Variants in RORA observed in about 807,000 individuals in gnomAD.
RORA encodes the protein RAR related orphan receptor A, also known as nuclear receptor ROR-alpha.
RORA carries 7 observed loss-of-function variants against 69.5 expected under a neutral mutation model. That is an observed-to-expected ratio of 0.10 (90% confidence interval 0.06 to 0.19). The LOEUF (loss-of-function observed/expected upper bound fraction) is 0.19, where lower values mean the gene tolerates loss of function less well. RORA is among the 10% of genes least tolerant of loss of function. The probability of loss-of-function intolerance (pLI) is 1.00; values close to 1 mark genes in which losing one functional copy is unlikely to be tolerated. For missense variants in RORA, 457 were observed against 663.0 expected, an observed-to-expected ratio of 0.69 and a Z score of 3.41; for synonymous variants, 261 against 240.8, an observed-to-expected ratio of 1.08 and a Z score of -0.78.
intron 1 of RORA, among the ~76,000 whole-genome samples, chr15:60,863,817 T>C (rs1206003908): frequency 6.6e-6 from 1 of 151,982 alleles, no homozygotes; most frequent in Admixed American, 6.6e-5. Flanking sequence ...CTTTTTTTTT[T>C]TTTTTTTGAG....
chr15:60,562,589 C>T (rs2067599917), intron 2 of RORA, among the ~76,000 whole-genome samples: 1 of 150,114 alleles, frequency 6.7e-6, no homozygotes, highest in Non-Finnish European at 1.5e-5. Context: ...GCCCGTGCTA[C>T]CACGCCCAGC....
At chr15:61,137,032 A>C (rs1160383671) in intron 1 of RORA, among the ~76,000 whole-genome samples, 6 of 104,908 alleles carry the variant, frequency 5.7e-5, no homozygotes, top group African/African-American at 8.8e-5. Context: ...AGAAAGAAAG[A>C]AAGAAAGAAA....
At chr15:60,682,306 C>T (rs964937387) in intron 1 of RORA, 2 of 152,346 alleles carry the variant, frequency 1.3e-5, no homozygotes, top group Admixed American at 1.3e-4. Context: ...CATTGCTACT[C>T]ATGATGTCCC....
chr15:60,941,377 T>C (rs1035335718), intron 1 of RORA, among the ~76,000 whole-genome samples: 1 of 152,258 alleles, frequency 6.6e-6, no homozygotes, highest in African/African-American at 2.4e-5. Context: ...CCAAGCTCTT[T>C]AATGTGTTGG....
At chr15:61,136,403 T>G (rs1567006073) in intron 1 of RORA, among the ~76,000 whole-genome samples, 1 of 152,236 alleles carries the variant, frequency 6.6e-6, no homozygotes, top group Admixed American at 6.5e-5. Flanking sequence ...GTTAAACAAA[T>G]TTGTAGCCAG....
At chr15:61,057,505 A>T (rs2078112505) in intron 1 of RORA, among the ~76,000 whole-genome samples, 2 of 152,228 alleles carry the variant, frequency 1.3e-5, no homozygotes, top group South Asian at 4.1e-4. Flanking sequence ...CTGAAAGCAC[A>T]TGAAATTTGG....
intron 2 of RORA, among the ~76,000 whole-genome samples, chr15:60,560,310 A>C: frequency 6.6e-6 from 1 of 152,024 alleles, no homozygotes; most frequent in South Asian, 2.1e-4. Flanking sequence ...CTCATGTGAC[A>C]TAAACAGGGC....
At chr15:60,594,257 G>A (rs899307074) in intron 2 of RORA, among the ~76,000 whole-genome samples, 1 of 152,170 alleles carries the variant, frequency 6.6e-6, no homozygotes, top group Admixed American at 6.5e-5. Flanking sequence ...ATCACACCAC[G>A]TTCCTATGAT....
At chr15:60,820,173 A>G (rs1001159570) in intron 1 of RORA, among the ~76,000 whole-genome samples, 2 of 152,076 alleles carry the variant, frequency 1.3e-5, no homozygotes, top group Non-Finnish European at 2.9e-5. Flanking sequence ...GCTGCACTCC[A>G]CCTCCCATCA....
At chr15:60,591,109 G>C (rs1425917576) in intron 2 of RORA, among the ~76,000 whole-genome samples, 1 of 152,196 alleles carries the variant, frequency 6.6e-6, no homozygotes, top group Non-Finnish European at 1.5e-5. Context: ...ACGTTTAACA[G>C]GCGCTTGGCA....
chr15:60,504,041 G>A (rs1392574354), intron 6 of RORA, among the ~76,000 whole-genome samples: 18 of 151,962 alleles, frequency 1.2e-4, no homozygotes, highest in Admixed American at 1.2e-3. Flanking sequence ...GACCTCAAGT[G>A]TTGTCTGCCT....
At chr15:60,582,309 GA>G in intron 2 of RORA, among the ~76,000 whole-genome samples, 1 of 152,274 alleles carries the variant, frequency 6.6e-6, no homozygotes, top group Middle Eastern at 3.4e-3. Flanking sequence ...AGGGAATAAG[GA>G]AAGTAGGAGG....
chr15:60,667,075 C>A (rs2070392244), intron 2 of RORA, among the ~76,000 whole-genome samples: 1 of 152,066 alleles, frequency 6.6e-6, no homozygotes, highest in South Asian at 2.1e-4. Flanking sequence ...TTCTAATATA[C>A]CTCATCTCAG....
intron 1 of RORA, among the ~76,000 whole-genome samples, chr15:61,120,220 T>C (rs1476804161): frequency 2.0e-5 from 3 of 152,108 alleles, no homozygotes; most frequent in African/African-American, 4.8e-5. Context: ...TTAGGCCATA[T>C]ACTTAAGATT....
chr15:60,784,923 A>G (rs1198722110), intron 1 of RORA, among the ~76,000 whole-genome samples: 1 of 152,160 alleles, frequency 6.6e-6, no homozygotes. Context: ...CCCTGACCAG[A>G]TGCTTCTCAT....
intron 1 of RORA, among the ~76,000 whole-genome samples, chr15:60,973,393 T>C (rs1350072549): frequency 1.3e-5 from 2 of 152,184 alleles, no homozygotes; most frequent in African/African-American, 2.4e-5. Context: ...GACTTTTTCC[T>C]GCCACCTACC....
intron 2 of RORA, 67 bp downstream of exon 2, chr15:60,678,590 G>C: frequency 8.5e-7 from 1 of 1,181,440 alleles, no homozygotes; most frequent in South Asian, 1.2e-5. Context: ...AAGGGTCACA[G>C]CAGCCAGACA....
chr15:60,505,483 G>A lies in RORA; in HGVS notation c.942+25C>T, dbSNP rs1011219443. ...CCTTCCCAATATTGCCTCAATCCTA[G>A]GAGGAAAAATTCCTCAGATCATACC... On this transcript the variant is annotated intron_variant, in intron 6 of 10. Coordinates refer to ENST00000335670, the MANE Select transcript of RORA (RefSeq NM_134261.3). 1.9e-6 allele frequency: 3 copies of A among 1,612,138 alleles called. No individual in the cohort carries two copies. In the African/African-American group the frequency reaches 4.0e-5, roughly 22 times the overall value.
chr15:60,896,090 C>T (rs992151118), intron 1 of RORA, among the ~76,000 whole-genome samples: 11 of 152,166 alleles, frequency 7.2e-5, no homozygotes, highest in African/African-American at 2.4e-4. Context: ...GTCTATGACA[C>T]TGGATTACAG....
Sources: gnomAD v4.1 joint callset for allele counts (sites outside exome capture counted in the v4.1 genomes callset) on GRCh38, gnomAD v4.1.1 for gene constraint, MANE v1.5 for transcripts, NCBI Gene and HGNC (gene_info 2026-07-23, HGNC 2026-07-21) for gene names.